Variants in SLC2A1 observed in about 807,000 individuals in gnomAD.
SLC2A1 encodes solute carrier family 2, facilitated glucose transporter member 1.
Under a neutral mutation model 46.6 loss-of-function variants are expected in SLC2A1, and 4 were observed. The observed-to-expected ratio is 0.09, with a 90% confidence interval of 0.04 to 0.20. The LOEUF (loss-of-function observed/expected upper bound fraction) is 0.20. Ranked by LOEUF, SLC2A1 falls within the 10% of genes least tolerant of loss-of-function variation. SLC2A1 has a pLI of 1.00. For synonymous variants in SLC2A1, 253 were observed against 270.0 expected (o/e 0.94, Z 0.62); for missense variants, 352 against 667.0 (o/e 0.53, Z 5.20).
intron 1 of SLC2A1, among the ~76,000 whole-genome samples, chr1:42,958,384 G>A (rs1032961600): frequency 6.6e-6 from 1 of 150,762 alleles, no homozygotes; most frequent in Non-Finnish European, 1.5e-5. Context: ...GAGGCCATGT[G>A]CTCAGTGCCG....
At chr1:42,956,965 C>T (rs974148097) in intron 1 of SLC2A1, among the ~76,000 whole-genome samples, 1 of 152,208 alleles carries the variant, frequency 6.6e-6, no homozygotes, top group Admixed American at 6.5e-5. Flanking sequence ...AGGTCCGTGA[C>T]GCTTAAAGTA....
At chr1:42,931,781 G>A (rs1220599085) in intron 2 of SLC2A1, among the ~76,000 whole-genome samples, 2 of 148,128 alleles carry the variant, frequency 1.4e-5, no homozygotes, top group South Asian at 2.1e-4. Context: ...AGCCAAGACT[G>A]TGCCACTGCA....
Position 42,944,935 on chromosome 1 carries a change from A to G in SLC2A1, c.19-1614T>C, listed in dbSNP as rs530234178. ...TGCCCCCAGAATCTCCCTTCTCTCA[A>G]TTCTCTGGGGAGCCTTCAGGCCCAG... is the stretch of plus-strand genomic sequence containing the variant. On this transcript the variant is annotated intron_variant, in intron 1 of 9. Coordinates refer to ENST00000426263, the MANE Select transcript of SLC2A1 (RefSeq NM_006516.4). Among the ~76,000 whole-genome samples, 22 of 151,598 alleles carry G rather than the reference A, an allele frequency of 1.5e-4. 1 individual carries two copies. The East Asian group carries it at 2.3e-3, about 16-fold the overall frequency.
In SLC2A1 at chr1:42,927,213, A is replaced by T; in HGVS notation, c.1307T>A (p.Ile436Asn). The T allele has an allele frequency of 1.9e-6, 3 of 1,614,158 alleles. No individual in the cohort carries two copies. Among genetic ancestry groups the T allele is most frequent in the Non-Finnish European group, 2.5e-6 (3 of 1,180,028 alleles). The change falls in exon 10 of 10, where the codon ATC becomes AAC. Residue 436 changes from isoleucine to asparagine, a missense_variant. Physicochemically the swap from Ile to Asn is moderately radical, Grantham distance 149 (BLOSUM62 -3). Transcript: ENST00000426263. This position sits in a 1 kb window ranked among gnomAD's most constrained non-coding sequence, Gnocchi z 5.3. The part of the protein sequence containing the change: ...EQLCGPYVFI[I>N]FTVLLVLFFI... ...GAACAGAACCAGGAGCACAGTGAAG[A>T]TGATGAAGACGTAGGGACCACACAG...
intron 2 of SLC2A1, among the ~76,000 whole-genome samples, chr1:42,941,677 G>A (rs1643599588): frequency 6.6e-6 from 1 of 152,148 alleles, no homozygotes; most frequent in South Asian, 2.1e-4. Flanking sequence ...AGAATCTGGG[G>A]GCGTTCTGGA....
chr1:42,929,128 G>A lies in SLC2A1; in HGVS notation c.972+82C>T. 1 of 1,557,684 alleles carries A rather than the reference G, an allele frequency of 6.4e-7. No individual in the cohort carries two copies. The highest frequency in any genetic ancestry group is 8.9e-7 in the Non-Finnish European group (1 of 1,129,532). On this transcript the variant is annotated intron_variant, in intron 7 of 9. Coordinates refer to ENST00000426263, the MANE Select transcript of SLC2A1 (RefSeq NM_006516.4). This position sits in a 1 kb window ranked among gnomAD's most constrained non-coding sequence, Gnocchi z 6.0. ...TGCCTCAAGAGCTGAGAAAGTCACA[G>A]GGCACTGCAAAGACCAGTGGGGAAG...
At chr1:42,941,629 A>C (rs1301416203) in intron 2 of SLC2A1, among the ~76,000 whole-genome samples, 1 of 152,164 alleles carries the variant, frequency 6.6e-6, no homozygotes, top group Non-Finnish European at 1.5e-5. Context: ...GGAAGCTTTT[A>C]ATTGAATGCC....
Position 42,954,459 on chromosome 1 carries a change from AG to A in SLC2A1, c.18+4174del, listed in dbSNP as rs1461981882. Among the ~76,000 whole-genome samples the A allele has an allele frequency of 6.6e-6, 1 of 152,246 alleles. No homozygotes were observed. Among genetic ancestry groups the A allele is most frequent in the Non-Finnish European group, 1.5e-5 (1 of 68,046 alleles). On this transcript the variant is annotated intron_variant, in intron 1 of 9. Transcript: ENST00000426263. This position sits in a 1 kb window ranked among gnomAD's most constrained non-coding sequence, Gnocchi z 4.2. The stretch of plus-strand genomic sequence containing the variant: ...AGAACCACTAGAACCTGGGAGGCGA[AG>A]GTTGTGGTGAGCTGAGATTGTGTCA...
chr1:42,928,383 G>A (rs186791774), intron 8 of SLC2A1, among the ~76,000 whole-genome samples: 17 of 152,332 alleles, frequency 1.1e-4, no homozygotes, highest in African/African-American at 3.6e-4. Context: ...GTGCCTGTGT[G>A]TGAGTGCCAG....
rs1400665843 is a variant in SLC2A1, at chr1:42,958,777, C to T, written c.-126G>A. The T allele has an allele frequency of 9.6e-7, 1 of 1,040,500 alleles. No homozygotes were observed. Among genetic ancestry groups the T allele is most frequent in the Non-Finnish European group, 1.4e-6 (1 of 713,836 alleles). The allele number at this position is 1,040,500 out of a possible 1,614,324, so 64.5% of individuals were successfully genotyped here. ...CTCCCACTGCGACTCTGACTCCGAC[C>T]CCCGTCGTTTGGTCTCCTGCTCCCT... On this transcript the variant is annotated 5_prime_UTR_variant, in exon 1 of 10. Coordinates refer to ENST00000426263, the MANE Select transcript of SLC2A1 (RefSeq NM_006516.4).
intron 2 of SLC2A1, among the ~76,000 whole-genome samples, chr1:42,934,078 T>C (rs1643518721): frequency 6.6e-6 from 1 of 152,184 alleles, no homozygotes; most frequent in Non-Finnish European, 1.5e-5. Flanking sequence ...AGTAAATAGG[T>C]GCTAAGTAAG....
chr1:42,953,430 G>A (rs528638007), intron 1 of SLC2A1, among the ~76,000 whole-genome samples: 1 of 152,260 alleles, frequency 6.6e-6, no homozygotes, highest in South Asian at 2.1e-4. Context: ...AGGGTAGCCA[G>A]GGCTGGGCCT....
rs562851617 is a variant in SLC2A1, at chr1:42,955,943, C to T, written c.18+2691G>A. 2.6e-5 allele frequency among the ~76,000 whole-genome samples: 4 copies of T among 152,290 alleles called. No homozygotes were observed. The East Asian group carries it at 7.7e-4, about 29-fold the overall frequency. ...AAGTTAGTTAAGTCAGTTCCCATTT[C>T]CTAGGAGACAAAGAGGAACATAGCA... On this transcript the variant is annotated intron_variant, in intron 1 of 9. Coordinates refer to ENST00000426263, the MANE Select transcript of SLC2A1 (RefSeq NM_006516.4).
At chr1:42,942,957 A>G (rs192745803) in intron 2 of SLC2A1, 32 of 545,538 alleles carry the variant, frequency 5.9e-5, no homozygotes, top group Admixed American at 1.2e-4. Context: ...TTATTAAATG[A>G]CTGAGTTGGG....
intron 1 of SLC2A1, among the ~76,000 whole-genome samples, chr1:42,956,407 C>CAAAAAAAAAAAAAAAAAAAAAAAAAAA (rs71577684): frequency 9.0e-5 from 4 of 44,506 alleles, no homozygotes; most frequent in African/African-American, 4.2e-4. Context: ...ACTAAAACTA[C>CAAAAAAAAAAAAAAAAAAAAAAAAAAA]AAAAAAAAAA....
At chr1:42,950,156 T>G (rs1406422372) in intron 1 of SLC2A1, among the ~76,000 whole-genome samples, 1 of 152,266 alleles carries the variant, frequency 6.6e-6, no homozygotes, top group Non-Finnish European at 1.5e-5. Context: ...TTTTGTGATA[T>G]GTAAGAATTA....
At chr1:42,932,453 A>G (rs115656139) in intron 2 of SLC2A1, among the ~76,000 whole-genome samples, 2,480 of 151,920 alleles carry the variant, frequency 0.016, 81 homozygotes, top group African/African-American at 0.056. Context: ...ACACACACAT[A>G]CCCGTGCTCA....
At chr1:42,935,089 T>C (rs1200982798) in intron 2 of SLC2A1, among the ~76,000 whole-genome samples, 2 of 151,944 alleles carry the variant, frequency 1.3e-5, no homozygotes, top group African/African-American at 2.4e-5. Flanking sequence ...GCAAGCGTGT[T>C]GAGGAGGGAG....
rs1324852289 is a variant in SLC2A1 at position 42,958,624 on chromosome 1, C to A, written c.18+10G>T. ...TTCCTGGCGGGAGGGCCCGCGGGCGCGCGACTCACCTTGCTGCTGGGCTCC... is the reference window on the plus strand; with the variant it reads ...TTCCTGGCGGGAGGGCCCGCGGGCGAGCGACTCACCTTGCTGCTGGGCTCC... On this transcript the variant is annotated intron_variant, in intron 1 of 9. Coordinates refer to ENST00000426263, the MANE Select transcript of SLC2A1 (RefSeq NM_006516.4). 1 of 1,525,466 alleles carries A rather than the reference C, an allele frequency of 6.6e-7. No individual in the cohort carries two copies. Among genetic ancestry groups the A allele is most frequent in the Admixed American group, 2.0e-5 (1 of 50,244 alleles). 94.5% of individuals were successfully genotyped at this position (1,525,466 alleles called of 1,614,324 possible).
Sources: gnomAD v4.1 joint callset for allele counts (sites outside exome capture counted in the v4.1 genomes callset) on GRCh38, gnomAD v4.1.1 for gene constraint, Gnocchi (gnomAD v3.1) non-coding constraint, MANE v1.5 for transcripts, NCBI Gene and HGNC (gene_info 2026-07-23, HGNC 2026-07-21) for gene names.